The following RUNX1 variants were observed in gnomAD, a reference collection of about 807,000 sequenced individuals.
RUNX1 encodes the protein RUNX family transcription factor 1.
RUNX1 carries 19 observed loss-of-function variants against 42.8 expected under a neutral mutation model. The observed-to-expected ratio is 0.44, with a 90% CI of 0.31 to 0.65. The LOEUF is 0.65. RUNX1 is among the 30% of genes least tolerant of loss of function. The probability of loss-of-function intolerance (pLI) is 0.07; values close to 1 mark genes in which losing one functional copy is unlikely to be tolerated. For missense variants in RUNX1, 528 were observed against 672.0 expected, an observed-to-expected ratio of 0.79 and a Z score of 2.37; for synonymous variants, 271 against 289.4, an observed-to-expected ratio of 0.94 and a Z score of 0.64.
intron 2 of RUNX1, among the ~76,000 whole-genome samples, chr21:34,979,916 G>A (rs1326441198): frequency 3.9e-5 from 6 of 152,194 alleles, no homozygotes; most frequent in African/African-American, 7.2e-5. Context: ...TGCTGGGTTC[G>A]TCTCAGTGGG....
intron 7 of RUNX1, among the ~76,000 whole-genome samples, chr21:34,826,570 T>C (rs1398341459): frequency 6.7e-6 from 1 of 150,374 alleles, no homozygotes; most frequent in Non-Finnish European, 1.5e-5. Flanking sequence ...CCCGGGTAAC[T>C]AGGACTCAGG....
intron 2 of RUNX1, among the ~76,000 whole-genome samples, chr21:34,997,589 C>G (rs1471775878): frequency 6.6e-6 from 1 of 152,216 alleles, no homozygotes; most frequent in Non-Finnish European, 1.5e-5. Flanking sequence ...CGATCAGCTT[C>G]AATAGATGAT....
At chr21:34,995,683 C>T (rs2058989467) in intron 2 of RUNX1, among the ~76,000 whole-genome samples, 1 of 152,154 alleles carries the variant, frequency 6.6e-6, no homozygotes, top group South Asian at 2.1e-4. Flanking sequence ...TCAAGCCATT[C>T]ACCCGCCTTG....
rs184145445 is a variant in RUNX1, at chr21:34,858,987, G to A, written c.613+487C>T. On this transcript the variant is annotated intron_variant, in intron 6 of 8. Transcript: ENST00000675419. ...TTAAAAATGCCTGTAATAAGATTTT[G>A]ATCTGTGCCATAGAAAGAAAAGGGT... Among the ~76,000 whole-genome samples, 11 of 152,224 alleles carry A rather than the reference G, an allele frequency of 7.2e-5. No individual in the cohort carries two copies. In the East Asian group the frequency reaches 2.1e-3, roughly 29 times the overall value.
At chr21:34,883,389 CTGTATATCGTCCAAT>C (rs1180132780) in intron 4 of RUNX1, among the ~76,000 whole-genome samples, 1 of 152,080 alleles carries the variant, frequency 6.6e-6, no homozygotes, top group Non-Finnish European at 1.5e-5. Flanking sequence ...TTCATTAATA[CTGTATATCGTCCAAT>C]TGTTAACAAG....
intron 2 of RUNX1, among the ~76,000 whole-genome samples, chr21:34,963,942 T>C (rs1392253577): frequency 6.6e-6 from 1 of 152,194 alleles, no homozygotes; most frequent in Non-Finnish European, 1.5e-5. Context: ...CATGCCTCAA[T>C]TTCAAATAGA....
intron 7 of RUNX1, among the ~76,000 whole-genome samples, chr21:34,804,995 C>T (rs1055834018): frequency 1.2e-4 from 18 of 152,042 alleles, no homozygotes; most frequent in Non-Finnish European, 2.6e-4. Flanking sequence ...CCAGGTGATC[C>T]ACCCACTTCG....
intron 6 of RUNX1, among the ~76,000 whole-genome samples, chr21:34,855,257 G>A (rs2057480007): frequency 6.6e-6 from 1 of 152,062 alleles, no homozygotes; most frequent in East Asian, 1.9e-4. Flanking sequence ...CCATGGCATT[G>A]AACCAATTCC....
chr21:34,861,993 G>A (rs1420664059), intron 5 of RUNX1, among the ~76,000 whole-genome samples: 1 of 151,906 alleles, frequency 6.6e-6, no homozygotes, highest in African/African-American at 2.4e-5. Flanking sequence ...GGTGCAAGTG[G>A]GAAGGGGCTT....
At chr21:34,994,877 C>T (rs780175131) in intron 2 of RUNX1, among the ~76,000 whole-genome samples, 2 of 152,280 alleles carry the variant, frequency 1.3e-5, no homozygotes, top group Non-Finnish European at 1.5e-5. Flanking sequence ...CTTCTGTTCC[C>T]GTACACCCTC....
chr21:34,981,961 G>T (rs1280396816), intron 2 of RUNX1, among the ~76,000 whole-genome samples: 1 of 152,176 alleles, frequency 6.6e-6, no homozygotes, highest in Non-Finnish European at 1.5e-5. Flanking sequence ...GCCTGCAAGG[G>T]TGAGTCTCAG....
chr21:34,890,299 G>T (rs1234094799), intron 3 of RUNX1, among the ~76,000 whole-genome samples: 1 of 152,090 alleles, frequency 6.6e-6, no homozygotes, highest in South Asian at 2.1e-4. Flanking sequence ...GGCCCGCCTC[G>T]TGGCCTTCGG....
At chr21:34,794,024 C>T (rs912610372) in intron 8 of RUNX1, among the ~76,000 whole-genome samples, 3 of 151,922 alleles carry the variant, frequency 2.0e-5, no homozygotes, top group Non-Finnish European at 4.4e-5. Context: ...TATTCTCTGG[C>T]CCCTTACAGA....
intron 6 of RUNX1, among the ~76,000 whole-genome samples, chr21:34,837,406 T>C (rs1313403073): frequency 5.3e-5 from 8 of 152,174 alleles, no homozygotes; most frequent in Non-Finnish European, 1.2e-4. Flanking sequence ...AGGGTGTGGT[T>C]TGGATGCACT....
At chr21:34,915,098 C>T (rs1057270432) in intron 2 of RUNX1, among the ~76,000 whole-genome samples, 2 of 152,274 alleles carry the variant, frequency 1.3e-5, no homozygotes, top group Non-Finnish European at 2.9e-5. Flanking sequence ...TTCAACGAGA[C>T]CGCTTTTAGA....
chr21:35,000,450 C>G (rs548506851), intron 2 of RUNX1, among the ~76,000 whole-genome samples: 1 of 152,038 alleles, frequency 6.6e-6, no homozygotes, highest in East Asian at 1.9e-4. Flanking sequence ...CCGTGTTAGC[C>G]AGGATGGTCT....
chr21:34,958,523 T>G (rs1282265264), intron 2 of RUNX1, among the ~76,000 whole-genome samples: 1 of 152,172 alleles, frequency 6.6e-6, no homozygotes, highest in African/African-American at 2.4e-5. Flanking sequence ...CCAGTTAGAA[T>G]GGCGATCATT....
At position 34,792,022 on chromosome 21, in the gene RUNX1, G is replaced by A. The variant is rs187995123; in HGVS notation, c.*113C>T. 2,274 of 645,518 alleles carry A rather than the reference G, an allele frequency of 3.5e-3. 12 individuals carry two copies. The highest frequency in any genetic ancestry group is 4.0e-3 in the Non-Finnish European group (1,687 of 422,078). 40.0% of individuals were successfully genotyped at this position (645,518 alleles called of 1,614,324 possible). Reference sequence around the variant, plus strand: ...CGTCGGGCGCCCTCGGCCCCAGGACGGTGGCCGGGCCCAGGGCCCGGGATC... The same window carrying A: ...CGTCGGGCGCCCTCGGCCCCAGGACAGTGGCCGGGCCCAGGGCCCGGGATC... On this transcript the variant is annotated 3_prime_UTR_variant, in exon 9 of 9. Transcript: ENST00000675419. The surrounding 1 kb of genome is among the most constrained non-coding windows in gnomAD (Gnocchi z 6.9).
At chr21:34,824,433 A>G (rs1010502634) in intron 7 of RUNX1, among the ~76,000 whole-genome samples, 2 of 152,220 alleles carry the variant, frequency 1.3e-5, no homozygotes, top group African/African-American at 2.4e-5. Flanking sequence ...ACATCAAAAC[A>G]TGAGATGTTC....
Sources: allele counts gnomAD v4.1 joint callset (sites outside exome capture counted in the v4.1 genomes callset), GRCh38; gene constraint gnomAD v4.1.1; non-coding constraint Gnocchi (gnomAD v3.1); transcripts MANE v1.5; gene names NCBI Gene and HGNC (gene_info 2026-07-23, HGNC 2026-07-21).